Variants in TSPEAR observed in about 807,000 individuals in gnomAD.
TSPEAR encodes thrombospondin-type laminin G domain and EAR repeat-containing protein.
A neutral mutation model predicts 71.6 loss-of-function variants in TSPEAR; 69 were observed. The observed-to-expected ratio is 0.96, with a 90% CI of 0.79 to 1.18. TSPEAR has a LOEUF of 1.18. Among genes scored for constraint, TSPEAR ranks in the 50% most tolerant of loss-of-function variants. TSPEAR has a pLI of 0.00. For synonymous variants in TSPEAR, 402 were observed against 387.2 expected, an observed-to-expected ratio of 1.04 and a Z score of -0.45; for missense variants, 971 against 894.9, an observed-to-expected ratio of 1.09 and a Z score of -1.09.
At chr21:44,540,552 T>TTTGACATGGGATC (rs1431046530) in intron 2 of TSPEAR, among the ~76,000 whole-genome samples, 2 of 152,100 alleles carry the variant, frequency 1.3e-5, no homozygotes, top group Admixed American at 1.3e-4. Context: ...CATGCCAGGG[T>TTTGACATGGGATC]GAGAGCTGTC....
rs771524642 is a variant in TSPEAR at position 44,538,436 on chromosome 21, CA to C, written c.304-4514del. 2.5e-3 allele frequency among the ~76,000 whole-genome samples: 141 copies of C among 56,208 alleles called. 1 individual carries two copies. The highest frequency in any genetic ancestry group is 0.012 in the African/African-American group (124 of 10,034). 36.9% of individuals were successfully genotyped at this position (56,208 alleles called of 152,430 possible). A position where few individuals can be genotyped will look rare whatever the true frequency, so the allele number is the denominator to read the frequency against. ...TGGAAACTGCTGCCCCCCCCCCCCC[CA>C]AGAGGAGAACCTGGGCAGCGCCAGG... On this transcript the variant is annotated intron_variant, in intron 2 of 11. Transcript: ENST00000323084.
chr21:44,680,994 C>T (rs1245629310), intron 1 of TSPEAR, among the ~76,000 whole-genome samples: 1 of 152,080 alleles, frequency 6.6e-6, no homozygotes, highest in Non-Finnish European at 1.5e-5. Context: ...CTCAAATCAG[C>T]TAGAAGAGAG....
intron 1 of TSPEAR, chr21:44,573,574 C>T: frequency 9.5e-7 from 1 of 1,057,500 alleles, no homozygotes; most frequent in Non-Finnish European, 1.3e-6. Flanking sequence ...AACACAGCTA[C>T]TGTTTATTCT....
intron 1 of TSPEAR, chr21:44,627,165 C>A (rs587663599): frequency 6.2e-7 from 1 of 1,610,434 alleles, no homozygotes; most frequent in Non-Finnish European, 8.5e-7. Context: ...CTCCTCCCCA[C>A]CCCAGCATGG....
rs587756279 is a variant in TSPEAR at position 44,513,577 on chromosome 21, C to T, written c.1567-4191G>A. Among the ~76,000 whole-genome samples the T allele has an allele frequency of 3.3e-5, 5 of 152,342 alleles. No homozygotes were observed. In the East Asian group the frequency reaches 9.6e-4, roughly 29 times the overall value. Reference sequence around the variant, plus strand: ...TGCCCTGGCACGGTGCCTGGCAGCTCAGGAGCATCTTGCTGGGATGATGGT... The same window carrying T: ...TGCCCTGGCACGGTGCCTGGCAGCTTAGGAGCATCTTGCTGGGATGATGGT... On this transcript the variant is annotated intron_variant, in intron 9 of 11. Transcript: ENST00000323084.
At chr21:44,581,808 C>G (rs1318029526) in intron 1 of TSPEAR, among the ~76,000 whole-genome samples, 2 of 152,194 alleles carry the variant, frequency 1.3e-5, no homozygotes, top group East Asian at 3.8e-4. Context: ...CCTCGTTTCA[C>G]TGGACATCAG....
chr21:44,636,150 G>A (rs1983551375), intron 1 of TSPEAR, among the ~76,000 whole-genome samples: 1 of 152,214 alleles, frequency 6.6e-6, no homozygotes, highest in African/African-American at 2.4e-5. Context: ...TGTACCCAAT[G>A]ATTCCTTCAG....
chr21:44,593,957 A>T lies in TSPEAR; in HGVS notation c.83-25952T>A, dbSNP rs1569208369. ...TTCAGGAACCTCCTCCTGATAAGGG[A>T]CCCCCAACCATGGACTGGCTCCAGC... On this transcript the variant is annotated intron_variant, in intron 1 of 11. Transcript: ENST00000323084. The surrounding 1 kb of genome is among the most constrained non-coding windows in gnomAD (Gnocchi z 5.9). 6.6e-6 allele frequency among the ~76,000 whole-genome samples: 1 copy of T among 152,056 alleles called. No homozygotes were observed. Among genetic ancestry groups the T allele is most frequent in the African/African-American group, 2.4e-5 (1 of 41,400 alleles).
At chr21:44,587,731 G>A (rs1439136879) in intron 1 of TSPEAR, among the ~76,000 whole-genome samples, 2 of 152,092 alleles carry the variant, frequency 1.3e-5, no homozygotes, top group Non-Finnish European at 2.9e-5. Flanking sequence ...AATACTTACC[G>A]CCGACTGATC....
intron 1 of TSPEAR, among the ~76,000 whole-genome samples, chr21:44,650,420 C>CGGTGGCAGAGACTGGGGCCACGTGACGAT (rs1984708380): frequency 6.7e-6 from 1 of 149,428 alleles, no homozygotes; most frequent in Admixed American, 6.6e-5. Flanking sequence ...CATGTGACGA[C>CGGTGGCAGAGACTGGGGCCACGTGACGAT]GGCGGCAGAG....
intron 1 of TSPEAR, among the ~76,000 whole-genome samples, chr21:44,650,784 AAGG>A (rs1555941282): frequency 2.0e-5 from 3 of 152,180 alleles, no homozygotes; most frequent in Non-Finnish European, 4.4e-5. Context: ...GGGGCTGGGA[AAGG>A]AGTTCTGAGG....
intron 2 of TSPEAR, among the ~76,000 whole-genome samples, chr21:44,542,242 A>G (rs1277754345): frequency 1.3e-5 from 2 of 152,228 alleles, no homozygotes; most frequent in Non-Finnish European, 2.9e-5. Context: ...AGGAAGGGAG[A>G]TGAGGAAATT....
intron 1 of TSPEAR, chr21:44,702,522 T>C: frequency 1.2e-6 from 2 of 1,608,210 alleles, no homozygotes; most frequent in Non-Finnish European, 1.7e-6. Flanking sequence ...GCTGTGTGCC[T>C]GTCTGCTCTG....
intron 1 of TSPEAR, among the ~76,000 whole-genome samples, chr21:44,679,746 C>A (rs1018219529): frequency 9.2e-5 from 14 of 152,112 alleles, no homozygotes; most frequent in African/African-American, 3.4e-4. Context: ...TATTTACAGC[C>A]AATTGATTTT....
intron 1 of TSPEAR, among the ~76,000 whole-genome samples, chr21:44,579,041 C>A (rs1315161982): frequency 5.9e-5 from 9 of 152,218 alleles, no homozygotes; most frequent in Non-Finnish European, 1.3e-4. Context: ...CTCCCTCTCC[C>A]CCCGCATTGC....
In TSPEAR at chr21:44,689,284, C is replaced by T. The variant is rs1261149254; in HGVS notation, c.82+22149G>A. On this transcript the variant is annotated intron_variant, in intron 1 of 11. Transcript: ENST00000323084. ...TTGGGAGGCCGAGGCGGGCGGATCA[C>T]GAGGTCAGGAGATCGAGACCATCCT... 5.3e-5 allele frequency among the ~76,000 whole-genome samples: 8 copies of T among 152,174 alleles called. No individual in the cohort carries two copies. The South Asian group carries it at 8.3e-4, about 16-fold the overall frequency.
chr21:44,633,490 G>T (rs923070989), intron 1 of TSPEAR, among the ~76,000 whole-genome samples: 10 of 152,110 alleles, frequency 6.6e-5, no homozygotes, highest in Non-Finnish European at 1.5e-4. Context: ...TCAATCAACT[G>T]GTTGTTATAA....
At chr21:44,649,764 TG>T (rs1241560684) in intron 1 of TSPEAR, among the ~76,000 whole-genome samples, 1 of 152,168 alleles carries the variant, frequency 6.6e-6, no homozygotes, top group Non-Finnish European at 1.5e-5. Context: ...GCAGTGGGCT[TG>T]GGCTGTGTCC....
chr21:44,604,190 G>A (rs1420360964), intron 1 of TSPEAR, among the ~76,000 whole-genome samples: 1 of 152,250 alleles, frequency 6.6e-6, no homozygotes, highest in East Asian at 1.9e-4. Flanking sequence ...TAGGGGCGCA[G>A]CATGCTTGGA....
Sources: allele counts gnomAD v4.1 joint callset (sites outside exome capture counted in the v4.1 genomes callset), GRCh38; gene constraint gnomAD v4.1.1; non-coding constraint Gnocchi (gnomAD v3.1); transcripts MANE v1.5; gene names NCBI Gene and HGNC (gene_info 2026-07-23, HGNC 2026-07-21).